The following ZNF521 variants were observed in gnomAD, a reference collection of about 807,000 sequenced individuals.
ZNF521 encodes zinc finger protein 521.
In ZNF521, 14 loss-of-function variants were observed where a neutral mutation model predicts 105.5. The ratio of observed to expected loss-of-function variants is 0.13; its 90% confidence interval spans 0.09 to 0.21. The LOEUF (loss-of-function observed/expected upper bound fraction) is 0.21. Ranked by LOEUF, ZNF521 falls within the 10% of genes least tolerant of loss-of-function variation. The pLI is 1.00. For synonymous variants in ZNF521, 635 were observed against 606.0 expected (o/e 1.05, Z -0.70); for missense variants, 1,233 against 1,629.7 (o/e 0.76, Z 4.19).
At chr18:25,349,985 C>A (rs1158634106) in intron 2 of ZNF521, among the ~76,000 whole-genome samples, 1 of 151,588 alleles carries the variant, frequency 6.6e-6, no homozygotes, top group Non-Finnish European at 1.5e-5. Flanking sequence ...TCCCCTCGGC[C>A]GCCCGCCCCC....
At chr18:25,298,190 T>C (rs943007004) in intron 3 of ZNF521, among the ~76,000 whole-genome samples, 2 of 152,216 alleles carry the variant, frequency 1.3e-5, no homozygotes, top group African/African-American at 2.4e-5. Flanking sequence ...AAGAAATGTA[T>C]ATAACCACCC....
At chr18:25,120,670 C>T (rs142437884) in intron 5 of ZNF521, among the ~76,000 whole-genome samples, 2 of 151,056 alleles carry the variant, frequency 1.3e-5, no homozygotes, top group Non-Finnish European at 3.0e-5. Context: ...ATTCAGTCAG[C>T]CACATGAGTA....
chr18:25,307,715 T>C (rs201543101), intron 3 of ZNF521, among the ~76,000 whole-genome samples: 1 of 152,174 alleles, frequency 6.6e-6, no homozygotes, highest in African/African-American at 2.4e-5. Context: ...ACTTCCAGGA[T>C]GAAGTCATAA....
chr18:25,282,525 T>C (rs530098696), intron 3 of ZNF521, among the ~76,000 whole-genome samples: 1 of 152,022 alleles, frequency 6.6e-6, no homozygotes, highest in Non-Finnish European at 1.5e-5. Flanking sequence ...TGGCCAAGTA[T>C]ACAGGTAATA....
intron 3 of ZNF521, among the ~76,000 whole-genome samples, chr18:25,317,520 C>A (rs1010244336): frequency 6.6e-6 from 1 of 152,108 alleles, no homozygotes; most frequent in Non-Finnish European, 1.5e-5. Context: ...CCCACTCTTA[C>A]CAAAGCCATG....
chr18:25,236,169 T>C (rs1281004560), intron 3 of ZNF521, among the ~76,000 whole-genome samples: 1 of 152,156 alleles, frequency 6.6e-6, no homozygotes, highest in Non-Finnish European at 1.5e-5. Flanking sequence ...CAACTCAAAG[T>C]AGTATCTGTT....
intron 5 of ZNF521, among the ~76,000 whole-genome samples, chr18:25,114,661 A>T (rs1266992961): frequency 6.6e-6 from 1 of 152,230 alleles, no homozygotes; most frequent in Non-Finnish European, 1.5e-5. Context: ...CTAAGTGGGT[A>T]AATGAAAAGC....
At chr18:25,274,574 A>T (rs1166937837) in intron 3 of ZNF521, among the ~76,000 whole-genome samples, 2 of 152,254 alleles carry the variant, frequency 1.3e-5, no homozygotes, top group Non-Finnish European at 2.9e-5. Flanking sequence ...GAATCTACCA[A>T]CACAACAAAA....
intron 2 of ZNF521, among the ~76,000 whole-genome samples, chr18:25,327,946 C>T (rs1316182579): frequency 6.6e-6 from 1 of 152,164 alleles, no homozygotes; most frequent in Non-Finnish European, 1.5e-5. Flanking sequence ...TCGGCCTCAA[C>T]TTAGCAGGAT....
chr18:25,285,705 C>G (rs946996328), intron 3 of ZNF521, among the ~76,000 whole-genome samples: 1 of 122,886 alleles, frequency 8.1e-6, no homozygotes, highest in Admixed American at 7.5e-5. Flanking sequence ...CTCTCACACA[C>G]ACACACACAC....
chr18:25,085,628 CAT>C lies in ZNF521; in HGVS notation c.3906+3835_3906+3836del, dbSNP rs2033603604. On this transcript the variant is annotated intron_variant, in intron 7 of 7. Transcript: ENST00000361524. ...CATAGTATATATACATGCATGTATA[CAT>C]ACTTATACATCCCCATATATATATG... Among the ~76,000 whole-genome samples the C allele has an allele frequency of 4.1e-5, 6 of 146,902 alleles. No homozygotes were observed. The Admixed American group carries it at 4.2e-4, about 10-fold the overall frequency.
At position 25,227,835 on chromosome 18, in the gene ZNF521, T is replaced by G. The variant is rs1906276040; in HGVS notation, c.221-138A>C. ...AAAACAAAATGAAAAGAGAGAATATTTGAGTGAGACATTTTCAAATCTGAG... is the reference window on the plus strand; with the variant it reads ...AAAACAAAATGAAAAGAGAGAATATGTGAGTGAGACATTTTCAAATCTGAG... On this transcript the variant is annotated intron_variant, in intron 3 of 7. Transcript: ENST00000361524. This position sits in a 1 kb window ranked among gnomAD's most constrained non-coding sequence, Gnocchi z 5.7. 5.6e-6 allele frequency: 4 copies of G among 711,064 alleles called. No individual in the cohort carries two copies. Among genetic ancestry groups the G allele is most frequent in the Non-Finnish European group, 4.5e-6 (2 of 440,418 alleles). The allele number at this position is 711,064 out of a possible 1,614,324, so 44.0% of individuals were successfully genotyped here.
chr18:25,220,659 T>C (rs1437560052), intron 4 of ZNF521, among the ~76,000 whole-genome samples: 1 of 152,148 alleles, frequency 6.6e-6, no homozygotes, highest in Non-Finnish European at 1.5e-5. Flanking sequence ...GACATGGAGA[T>C]CATGAGGATA....
At chr18:25,127,464 A>G (rs2034558975) in intron 5 of ZNF521, among the ~76,000 whole-genome samples, 1 of 152,068 alleles carries the variant, frequency 6.6e-6, no homozygotes, top group African/African-American at 2.4e-5. Flanking sequence ...TTAGGATGTT[A>G]GGTACTATTA....
intron 5 of ZNF521, among the ~76,000 whole-genome samples, chr18:25,128,495 G>T (rs894541286): frequency 6.6e-6 from 1 of 151,688 alleles, no homozygotes; most frequent in African/African-American, 2.4e-5. Context: ...TATACAGACT[G>T]GAAAAAAAGA....
intron 7 of ZNF521, among the ~76,000 whole-genome samples, chr18:25,078,150 C>G (rs139016020): frequency 1.3e-5 from 2 of 152,212 alleles, no homozygotes; most frequent in African/African-American, 4.8e-5. Context: ...TCAATCAGCC[C>G]GAGACTCTGG....
chr18:25,123,905 T>C (rs762829459), intron 5 of ZNF521, among the ~76,000 whole-genome samples: 14 of 152,176 alleles, frequency 9.2e-5, no homozygotes, highest in South Asian at 2.1e-4. Context: ...TTTTGATAAA[T>C]CATCACCTTT....
intron 5 of ZNF521, among the ~76,000 whole-genome samples, chr18:25,168,789 G>A (rs1268554993): frequency 6.6e-6 from 1 of 152,116 alleles, no homozygotes; most frequent in Non-Finnish European, 1.5e-5. Flanking sequence ...ACACCACTCT[G>A]TGTCTATGTC....
At chr18:25,085,528 A>T (rs1567955024) in intron 7 of ZNF521, among the ~76,000 whole-genome samples, 1 of 151,888 alleles carries the variant, frequency 6.6e-6, no homozygotes, top group Non-Finnish European at 1.5e-5. Context: ...CTACATTCTG[A>T]CTGGCTTTGT....
Sources: gnomAD v4.1 joint callset for allele counts (sites outside exome capture counted in the v4.1 genomes callset) on GRCh38, gnomAD v4.1.1 for gene constraint, Gnocchi (gnomAD v3.1) non-coding constraint, MANE v1.5 for transcripts, NCBI Gene and HGNC (gene_info 2026-07-23, HGNC 2026-07-21) for gene names.